CHKA: variants seen among roughly 807,000 people sequenced by gnomAD.
CHKA encodes the protein choline kinase alpha, also known as CHETK-alpha.
A neutral mutation model predicts 60.1 loss-of-function variants in CHKA; 34 were observed. That is an observed-to-expected ratio of 0.57 (90% CI 0.43 to 0.75). The LOEUF (loss-of-function observed/expected upper bound fraction) is 0.75. CHKA is among the 30% of genes least tolerant of loss of function. The pLI is 0.00. For missense variants in CHKA, 563 were observed against 561.3 expected (o/e 1.00, Z -0.03); for synonymous variants, 217 against 223.1 (o/e 0.97, Z 0.24).
intron 2 of CHKA, among the ~76,000 whole-genome samples, chr11:68,088,057 G>A (rs982496253): frequency 3.5e-5 from 5 of 142,642 alleles, no homozygotes; most frequent in African/African-American, 1.1e-4. Flanking sequence ...AGGTTGCCGC[G>A]AGCTAAGATC....
At chr11:68,111,795 T>C (rs1387544610) in intron 1 of CHKA, among the ~76,000 whole-genome samples, 1 of 152,032 alleles carries the variant, frequency 6.6e-6, no homozygotes, top group East Asian at 1.9e-4. Context: ...AGCTCACACC[T>C]GTAATCCCAG....
At chr11:68,064,201 G>A (rs1190488513) in intron 10 of CHKA, among the ~76,000 whole-genome samples, 2 of 152,208 alleles carry the variant, frequency 1.3e-5, no homozygotes, top group African/African-American at 2.4e-5. Flanking sequence ...GAGGTCAGGA[G>A]TTCAAGACTA....
At chr11:68,099,378 A>G (rs2153024865) in intron 1 of CHKA, among the ~76,000 whole-genome samples, 1 of 152,382 alleles carries the variant, frequency 6.6e-6, no homozygotes, top group Middle Eastern at 3.4e-3. Flanking sequence ...CTTCTAGCAC[A>G]AACAATTTTT....
intron 1 of CHKA, among the ~76,000 whole-genome samples, chr11:68,119,463 C>G (rs1015863215): frequency 6.6e-6 from 1 of 152,102 alleles, no homozygotes; most frequent in African/African-American, 2.4e-5. Context: ...CAGAAAATGA[C>G]GGAACACGTT....
At chr11:68,119,056 T>C (rs1380758957) in intron 1 of CHKA, among the ~76,000 whole-genome samples, 1 of 152,202 alleles carries the variant, frequency 6.6e-6, no homozygotes, top group African/African-American at 2.4e-5. Flanking sequence ...CACAGACTGA[T>C]GAGTACATGG....
Position 68,109,086 on chromosome 11 carries a change from C to CTT in CHKA, c.350+11740_350+11741dup, listed in dbSNP as rs1040771984. ...AAGAAACCTTTCCTTTTTTCTTTTC[C>CTT]TTTTTTTTTTTTTTTTTTTTTGAGA... On this transcript the variant is annotated intron_variant, in intron 1 of 11. Coordinates refer to ENST00000265689, the MANE Select transcript of CHKA (RefSeq NM_001277.3). Among the ~76,000 whole-genome samples the CTT allele has an allele frequency of 1.3e-3, 167 of 130,580 alleles. 1 individual carries two copies. The highest frequency in any genetic ancestry group is 2.5e-3 in the South Asian group (10 of 4,078). 85.7% of individuals were successfully genotyped at this position (130,580 alleles called of 152,430 possible). A position where few individuals can be genotyped will look rare whatever the true frequency, so the allele number is the denominator to read the frequency against.
At chr11:68,112,066 A>AAAG (rs1555014824) in intron 1 of CHKA, among the ~76,000 whole-genome samples, 1 of 127,528 alleles carries the variant, frequency 7.8e-6, no homozygotes, top group African/African-American at 3.0e-5. Context: ...AAAAAAAAAA[A>AAAG]AAAAAAAAAA....
At chr11:68,065,930 C>T (rs1423793935) in intron 8 of CHKA, 36 bp from the exon 9 acceptor site, 3 of 1,443,470 alleles carry the variant, frequency 2.1e-6, no homozygotes, top group Admixed American at 3.5e-5. Flanking sequence ...CACAATGAGG[C>T]AAACCGTATG....
intron 2 of CHKA, among the ~76,000 whole-genome samples, chr11:68,089,352 T>C (rs1359786741): frequency 1.3e-5 from 2 of 152,212 alleles, no homozygotes; most frequent in Non-Finnish European, 2.9e-5. Flanking sequence ...AAGTCAGCAC[T>C]GCAGAGCTCC....
chr11:68,102,234 A>AAAGACCCC (rs1167937391), intron 1 of CHKA, among the ~76,000 whole-genome samples: 2 of 152,354 alleles, frequency 1.3e-5, no homozygotes, highest in East Asian at 3.9e-4. Flanking sequence ...TGAAATCACA[A>AAAGACCCC]AAGACCCCAG....
chr11:68,101,714 T>C (rs1857733725), intron 1 of CHKA, among the ~76,000 whole-genome samples: 1 of 150,448 alleles, frequency 6.6e-6, no homozygotes, highest in Non-Finnish European at 1.5e-5. Context: ...AGCTCTGCAA[T>C]GAAAACTTTA....
intron 1 of CHKA, among the ~76,000 whole-genome samples, chr11:68,102,912 G>C (rs1857778651): frequency 6.6e-6 from 1 of 152,278 alleles, no homozygotes; most frequent in East Asian, 1.9e-4. Context: ...AGGATCACTA[G>C]AGCCCAGGAA....
At chr11:68,088,867 A>T (rs1338532710) in intron 2 of CHKA, among the ~76,000 whole-genome samples, 1 of 152,138 alleles carries the variant, frequency 6.6e-6, no homozygotes, top group Non-Finnish European at 1.5e-5. Flanking sequence ...CTTTCTGAAA[A>T]CATTTTACAG....
At chr11:68,098,350 T>C (rs1857583752) in intron 1 of CHKA, among the ~76,000 whole-genome samples, 1 of 151,766 alleles carries the variant, frequency 6.6e-6, no homozygotes, top group African/African-American at 2.4e-5. Context: ...CAAAATCACC[T>C]TCCATCAGGA....
At chr11:68,092,805 C>G (rs1269663453) in intron 2 of CHKA, among the ~76,000 whole-genome samples, 1 of 152,072 alleles carries the variant, frequency 6.6e-6, no homozygotes, top group Admixed American at 6.6e-5. Context: ...TAAGTTTAAA[C>G]TACAACCAAA....
At chr11:68,070,550 G>C (rs770164543) in intron 5 of CHKA, among the ~76,000 whole-genome samples, 174 bp downstream of exon 5, 3 of 152,122 alleles carry the variant, frequency 2.0e-5, no homozygotes, top group Non-Finnish European at 2.9e-5. Context: ...TTTAGGAATT[G>C]ACTTTTACAC....
intron 1 of CHKA, among the ~76,000 whole-genome samples, chr11:68,108,180 C>G (rs1160759666): frequency 6.6e-6 from 1 of 152,148 alleles, no homozygotes; most frequent in Non-Finnish European, 1.5e-5. Context: ...TAGCTGGGTG[C>G]AGTGGCACAC....
chr11:68,084,412 GTA>G lies in CHKA; in HGVS notation c.463-2957_463-2956del, dbSNP rs1172497313. On this transcript the variant is annotated intron_variant, in intron 2 of 11. Coordinates refer to ENST00000265689, the MANE Select transcript of CHKA (RefSeq NM_001277.3). The stretch of plus-strand genomic sequence containing the variant: ...TATACACACATATACGTATATATGT[GTA>G]TATATATATACACATATATATACGT... Among the ~76,000 whole-genome samples, 124 of 77,292 alleles carry G rather than the reference GTA, an allele frequency of 1.6e-3. 2 individuals carry two copies. The highest frequency in any genetic ancestry group is 5.0e-3 in the South Asian group (8 of 1,614). The allele number at this position is 77,292 out of a possible 152,430, so 50.7% of individuals were successfully genotyped here.
chr11:68,104,152 T>C (rs940922730), intron 1 of CHKA, among the ~76,000 whole-genome samples: 3 of 152,122 alleles, frequency 2.0e-5, no homozygotes, highest in Admixed American at 2.0e-4. Context: ...TATTAAGCCT[T>C]ATAAAAGCAG....
Sources: allele counts gnomAD v4.1 joint callset (sites outside exome capture counted in the v4.1 genomes callset), GRCh38; gene constraint gnomAD v4.1.1; transcripts MANE v1.5; gene names NCBI Gene and HGNC (gene_info 2026-07-23, HGNC 2026-07-21).